QSER1: variants seen among roughly 807,000 people sequenced by gnomAD.
QSER1 encodes glutamine and serine rich 1, also known as glutamine and serine-rich protein 1.
In QSER1, 49 loss-of-function variants were observed where a neutral mutation model predicts 158.5. That is an observed-to-expected ratio of 0.31 (90% CI 0.25 to 0.39). QSER1 has a LOEUF of 0.39. QSER1 is among the 10% of genes least tolerant of loss of function. The probability of loss-of-function intolerance (pLI) is 1.00; values close to 1 mark genes in which losing one functional copy is unlikely to be tolerated. For missense variants in QSER1, 1,754 were observed against 2,010.3 expected, an observed-to-expected ratio of 0.87 and a Z score of 2.44; for synonymous variants, 650 against 715.5, an observed-to-expected ratio of 0.91 and a Z score of 1.46.
chr11:32,900,556 C>T (rs1474142911), intron 1 of QSER1, among the ~76,000 whole-genome samples: 11 of 151,488 alleles, frequency 7.3e-5, no homozygotes, highest in Non-Finnish European at 2.9e-5. Flanking sequence ...AAGACTCCAT[C>T]TTAAAAAAAA....
chr11:32,967,291 C>G (rs1472273242), intron 9 of QSER1, among the ~76,000 whole-genome samples: 1 of 152,002 alleles, frequency 6.6e-6, no homozygotes, highest in East Asian at 1.9e-4. Context: ...TACACAAAGG[C>G]AGCGTGGTAT....
chr11:32,914,610 A>C (rs1428562997), intron 1 of QSER1, among the ~76,000 whole-genome samples: 1 of 152,200 alleles, frequency 6.6e-6, no homozygotes, highest in Non-Finnish European at 1.5e-5. Context: ...TTGATTTTTA[A>C]ACCTGGAATG....
At chr11:32,970,166 G>A (rs1852826087) in intron 10 of QSER1, among the ~76,000 whole-genome samples, 1 of 152,080 alleles carries the variant, frequency 6.6e-6, no homozygotes. Flanking sequence ...TTATACATTT[G>A]TATAACTTGT....
chr11:32,941,634 T>A (rs1481272779), intron 4 of QSER1, among the ~76,000 whole-genome samples: 1 of 152,272 alleles, frequency 6.6e-6, no homozygotes, highest in Non-Finnish European at 1.5e-5. Context: ...TCTATCATTG[T>A]AGGACATTTG....
rs540396979 is a variant in QSER1, at chr11:32,966,670, T to C, written c.5107+233T>C. 2.0e-5 allele frequency among the ~76,000 whole-genome samples: 3 copies of C among 152,322 alleles called. No individual in the cohort carries two copies. The South Asian group carries it at 6.2e-4, about 32-fold the overall frequency. On this transcript the variant is annotated intron_variant, in intron 9 of 12. Transcript: ENST00000650167. ...GGAAAATTGTATAGCTTCTAACCAG[T>C]TTCTTCCAATTCTAGAATCTAATCA... is the stretch of plus-strand genomic sequence containing the variant.
intron 4 of QSER1, among the ~76,000 whole-genome samples, chr11:32,939,391 A>G (rs73474600): frequency 0.02 from 2,990 of 152,154 alleles, 47 homozygotes; most frequent in South Asian, 0.039. Flanking sequence ...CTCCTTGAAG[A>G]TCTTTTAAAA....
chr11:32,899,671 A>AG (rs1851600746), intron 1 of QSER1, among the ~76,000 whole-genome samples: 2 of 152,074 alleles, frequency 1.3e-5, no homozygotes, highest in African/African-American at 4.8e-5. Flanking sequence ...GAAAAAAAAA[A>AG]CACTGTCTTG....
chr11:32,966,488 A>AAAG, intron 9 of QSER1, 51 bp downstream of exon 9: 1 of 1,555,468 alleles, frequency 6.4e-7, no homozygotes, highest in Non-Finnish European at 8.7e-7. Context: ...GGAATTAAAA[A>AAAG]AAGAAATCTT....
chr11:32,937,569 T>C (rs1852171179), intron 4 of QSER1, among the ~76,000 whole-genome samples: 1 of 152,180 alleles, frequency 6.6e-6, no homozygotes, highest in African/African-American at 2.4e-5. Flanking sequence ...ATTATAGGCA[T>C]GAGCCACTGC....
intron 1 of QSER1, among the ~76,000 whole-genome samples, chr11:32,911,989 AT>A (rs1340242781): frequency 6.6e-6 from 1 of 152,176 alleles, no homozygotes; most frequent in Non-Finnish European, 1.5e-5. Context: ...AAATTAATGT[AT>A]TTTGGTCATA....
rs1489404754 is a variant in QSER1, at chr11:32,928,037, T to C, written c.398T>C (p.Leu133Pro). ...AAAGAGTCTTCAGTGATGAATTTTCTGTCTACTGCTGAATCCCGAACTGCT... is the reference window on the plus strand; with the variant it reads ...AAAGAGTCTTCAGTGATGAATTTTCCGTCTACTGCTGAATCCCGAACTGCT... ...NTKESSVMNF[L>P]STAESRTAQA... The change falls in exon 3 of 13, where the codon CTG (leucine) becomes CCG (proline). Residue 133 changes from leucine (L) to proline (P), a missense_variant. Physicochemically the swap from Leu to Pro is moderately conservative, Grantham distance 98. Coordinates refer to ENST00000650167, the MANE Select transcript of QSER1 (RefSeq NM_001076786.3). 1 of 1,611,146 alleles carries C rather than the reference T, an allele frequency of 6.2e-7. No homozygotes were observed.
In QSER1 at chr11:32,945,970, G is replaced by A. The variant is rs1274091227; in HGVS notation, c.4178-7887G>A. On this transcript the variant is annotated intron_variant, in intron 4 of 12. Transcript: ENST00000650167. Reference sequence around the variant, plus strand: ...CTTTTTTCTCTAAACTTTCCTTCTCGCTTCATTTCATTCATTTCATCTTCC... The same window carrying A: ...CTTTTTTCTCTAAACTTTCCTTCTCACTTCATTTCATTCATTTCATCTTCC... Among the ~76,000 whole-genome samples, 23 of 151,212 alleles carry A rather than the reference G, an allele frequency of 1.5e-4. No homozygotes were observed. The East Asian group carries it at 1.6e-3, about 10-fold the overall frequency.
rs148044803 is a variant in QSER1 at position 32,932,662 on chromosome 11, T to C, written c.1404T>C (p.Ser468=). The C allele has an allele frequency of 2.7e-4, 443 of 1,614,162 alleles. 5 individuals carry two copies. In the East Asian group the frequency reaches 8.6e-3, roughly 31 times the overall value. Residue 468 remains serine (S), a synonymous_variant, in exon 4 of 13, where the codon AGT becomes AGC. Coordinates refer to ENST00000650167, the MANE Select transcript of QSER1 (RefSeq NM_001076786.3). ...TAQLPSLLSV[S]QSQNYGLVQP... ...AGCTACCAAGCCTTTTATCAGTTAG[T>C]CAGTCCCAAAATTACGGTTTAGTAC...
intron 4 of QSER1, among the ~76,000 whole-genome samples, chr11:32,935,970 G>C (rs952609184): frequency 2.0e-5 from 3 of 152,094 alleles, no homozygotes; most frequent in Non-Finnish European, 4.4e-5. Flanking sequence ...TTTTATGCTG[G>C]CTTCAGATTA....
rs1852406220 is a variant in QSER1, at chr11:32,950,619, A to G, written c.4178-3238A>G. On this transcript the variant is annotated intron_variant, in intron 4 of 12. Coordinates refer to ENST00000650167, the MANE Select transcript of QSER1 (RefSeq NM_001076786.3). ...TAAAGTGTACAGTTCAGTGGTTCAT[A>G]GACTTGTGCAGCATTTGTATCATTC... Among the ~76,000 whole-genome samples the G allele has an allele frequency of 3.9e-5, 6 of 152,338 alleles. No homozygotes were observed. The South Asian group carries it at 1.2e-3, about 32-fold the overall frequency.
intron 12 of QSER1, chr11:32,975,673 T>C: frequency 8.6e-7 from 1 of 1,162,044 alleles, no homozygotes; most frequent in Non-Finnish European, 1.1e-6. Context: ...TTTAATTCAC[T>C]TCAGTCACTG....
At chr11:32,974,853 C>T (rs1044168669) in intron 11 of QSER1, among the ~76,000 whole-genome samples, 1 of 152,094 alleles carries the variant, frequency 6.6e-6, no homozygotes, top group African/African-American at 2.4e-5. Context: ...ATTCCCTTCT[C>T]ATTACAAAAT....
At chr11:32,896,411 A>G (rs1851556085) in intron 1 of QSER1, among the ~76,000 whole-genome samples, 2 of 152,046 alleles carry the variant, frequency 1.3e-5, no homozygotes, top group African/African-American at 4.8e-5. Flanking sequence ...CTGGAGTGCA[A>G]CGGCGTGATC....
intron 1 of QSER1, among the ~76,000 whole-genome samples, chr11:32,900,385 C>T (rs537358070): frequency 6.6e-6 from 1 of 152,208 alleles, no homozygotes; most frequent in East Asian, 1.9e-4. Context: ...ATGGCAAAAC[C>T]CTGTCTCTAC....
Sources: gnomAD v4.1 joint callset for allele counts (sites outside exome capture counted in the v4.1 genomes callset) on GRCh38, gnomAD v4.1.1 for gene constraint, MANE v1.5 for transcripts, NCBI Gene and HGNC (gene_info 2026-07-23, HGNC 2026-07-21) for gene names.